CCDC178: variants seen among roughly 807,000 people sequenced by gnomAD.
CCDC178 encodes the protein coiled-coil domain containing 178, also known as coiled-coil domain-containing protein 178.
A neutral mutation model predicts 117.4 loss-of-function variants in CCDC178; 126 were observed. The ratio of observed to expected loss-of-function variants is 1.07; its 90% CI spans 0.93 to 1.24. CCDC178 has a LOEUF of 1.24. Ranked by LOEUF, CCDC178 falls within the 50% of genes most tolerant of loss-of-function variation. CCDC178 has a pLI of 0.00. For missense variants in CCDC178, 1,030 were observed against 986.9 expected, an observed-to-expected ratio of 1.04 and a Z score of -0.59; for synonymous variants, 283 against 313.4, an observed-to-expected ratio of 0.90 and a Z score of 1.02.
chr18:33,105,133 A>G (rs919574493), intron 20 of CCDC178, among the ~76,000 whole-genome samples: 2 of 151,668 alleles, frequency 1.3e-5, no homozygotes, highest in African/African-American at 4.8e-5. Context: ...TGTTATTGAA[A>G]AGTAATTCTT....
At chr18:33,104,952 C>A (rs1306786908) in intron 20 of CCDC178, among the ~76,000 whole-genome samples, 5 of 151,570 alleles carry the variant, frequency 3.3e-5, no homozygotes, top group Non-Finnish European at 5.9e-5. Context: ...GTGACAAATA[C>A]AATTATATTC....
chr18:33,273,153 T>C (rs1448853186), intron 12 of CCDC178, among the ~76,000 whole-genome samples: 1 of 151,578 alleles, frequency 6.6e-6, no homozygotes, highest in Admixed American at 6.6e-5. Flanking sequence ...TCCTAAATAA[T>C]GTATTTTCAA....
intron 22 of CCDC178, among the ~76,000 whole-genome samples, chr18:32,942,487 T>C (rs1049000394): frequency 1.3e-5 from 2 of 151,970 alleles, no homozygotes; most frequent in African/African-American, 4.8e-5. Context: ...TCATGGAAAG[T>C]TTTTTTCCCC....
chr18:33,123,161 A>G (rs1433062617), intron 20 of CCDC178, among the ~76,000 whole-genome samples: 2 of 152,148 alleles, frequency 1.3e-5, no homozygotes, highest in East Asian at 3.9e-4. Flanking sequence ...TGTGTATTAA[A>G]ATATTAAAAT....
At chr18:32,971,167 T>A (rs116998082) in intron 22 of CCDC178, among the ~76,000 whole-genome samples, 4,086 of 151,876 alleles carry the variant, frequency 0.027, 92 homozygotes, top group South Asian at 0.079. Flanking sequence ...ATGTTCTCCC[T>A]CCCCTTACCC....
At chr18:33,393,919 C>T (rs1281891323) in intron 4 of CCDC178, among the ~76,000 whole-genome samples, 2 of 151,900 alleles carry the variant, frequency 1.3e-5, no homozygotes, top group Non-Finnish European at 2.9e-5. Flanking sequence ...ACATACATTT[C>T]TTTCATTCTC....
intron 21 of CCDC178, among the ~76,000 whole-genome samples, chr18:33,057,102 A>T (rs1013033321): frequency 3.9e-5 from 6 of 152,178 alleles, no homozygotes; most frequent in Non-Finnish European, 7.3e-5. Flanking sequence ...TTATTTATTC[A>T]GTCATGTAGT....
At chr18:33,316,293 G>T (rs2062415292) in intron 11 of CCDC178, among the ~76,000 whole-genome samples, 1 of 152,236 alleles carries the variant, frequency 6.6e-6, no homozygotes, top group African/African-American at 2.4e-5. Flanking sequence ...TTCCGTGGGT[G>T]TGAGCTGGGA....
At position 33,224,945 on chromosome 18, in the gene CCDC178, A is replaced by G; in HGVS notation, c.1657-9T>C. On this transcript the variant is annotated splice_polypyrimidine_tract_variant and intron_variant, in intron 16 of 22. Coordinates refer to ENST00000383096, the MANE Select transcript of CCDC178 (RefSeq NM_001105528.4). ...ATGGAATATAGTTTTTTCTGCCAGC[A>G]AAGATTTTAAATAAATCATTCAGTT... 1 of 1,475,430 alleles carries G rather than the reference A, an allele frequency of 6.8e-7. No individual in the cohort carries two copies. Among genetic ancestry groups the G allele is most frequent in the Non-Finnish European group, 9.0e-7 (1 of 1,110,740 alleles). The allele number at this position is 1,475,430 out of a possible 1,614,324, so 91.4% of individuals were successfully genotyped here.
intron 3 of CCDC178, among the ~76,000 whole-genome samples, chr18:33,406,818 C>A (rs2063787667): frequency 6.6e-6 from 1 of 152,100 alleles, no homozygotes; most frequent in Non-Finnish European, 1.5e-5. Flanking sequence ...GGTCAAATCT[C>A]CTAACAAACA....
At chr18:33,038,449 G>A (rs1244807952) in intron 21 of CCDC178, among the ~76,000 whole-genome samples, 2 of 151,902 alleles carry the variant, frequency 1.3e-5, no homozygotes, top group East Asian at 3.9e-4. Context: ...CGATAGGTCA[G>A]TGAATTAGAT....
At chr18:33,218,744 C>T (rs1019371485) in intron 18 of CCDC178, among the ~76,000 whole-genome samples, 2 of 152,090 alleles carry the variant, frequency 1.3e-5, no homozygotes, top group African/African-American at 4.8e-5. Flanking sequence ...CCAGGTTTGT[C>T]AAAGATCAGA....
intron 22 of CCDC178, among the ~76,000 whole-genome samples, chr18:32,949,969 A>G (rs192139650): frequency 1.3e-5 from 2 of 152,310 alleles, no homozygotes; most frequent in East Asian, 3.9e-4. Flanking sequence ...AATCCCTACC[A>G]CTGAGGCAAG....
At chr18:33,129,453 T>C (rs991443235) in intron 20 of CCDC178, among the ~76,000 whole-genome samples, 4 of 152,130 alleles carry the variant, frequency 2.6e-5, no homozygotes, top group African/African-American at 7.2e-5. Context: ...CAGCAAATCA[T>C]GGCAATTTTA....
intron 21 of CCDC178, among the ~76,000 whole-genome samples, chr18:32,975,059 T>C (rs1598746123): frequency 6.6e-6 from 1 of 152,254 alleles, no homozygotes; most frequent in East Asian, 1.9e-4. Context: ...TTTGAAGCCG[T>C]TTTGAATGGC....
intron 9 of CCDC178, among the ~76,000 whole-genome samples, chr18:33,340,420 T>C (rs2062801804): frequency 1.3e-5 from 2 of 152,096 alleles, no homozygotes; most frequent in Admixed American, 1.3e-4. Flanking sequence ...AACCCATTTT[T>C]TGAGGATAAA....
intron 11 of CCDC178, among the ~76,000 whole-genome samples, chr18:33,309,222 C>T (rs1209120242): frequency 6.6e-6 from 1 of 150,970 alleles, no homozygotes; most frequent in African/African-American, 2.4e-5. Context: ...ACTCATTCCA[C>T]AAAAACTGCT....
At chr18:33,011,302 CT>C (rs1431632844) in intron 21 of CCDC178, among the ~76,000 whole-genome samples, 1 of 152,068 alleles carries the variant, frequency 6.6e-6, no homozygotes. Flanking sequence ...CATGAGAAGT[CT>C]TTTTCTTAAG....
chr18:33,200,747 T>C (rs966380139), intron 20 of CCDC178, among the ~76,000 whole-genome samples: 1 of 152,178 alleles, frequency 6.6e-6, no homozygotes, highest in Non-Finnish European at 1.5e-5. Context: ...CTCTTCCAGG[T>C]TCTAGAGAAC....
Sources: gnomAD v4.1 joint callset for allele counts (sites outside exome capture counted in the v4.1 genomes callset) on GRCh38, gnomAD v4.1.1 for gene constraint, MANE v1.5 for transcripts, NCBI Gene and HGNC (gene_info 2026-07-23, HGNC 2026-07-21) for gene names.